AGGF1: variants seen among roughly 807,000 people sequenced by gnomAD.
AGGF1 encodes angiogenic factor with G-patch and FHA domains 1.
In AGGF1, 56 loss-of-function variants were observed where a neutral mutation model predicts 86.5. That is an observed-to-expected ratio of 0.65 (90% CI 0.52 to 0.81). AGGF1 has a LOEUF of 0.81. AGGF1 is among the 30% of genes least tolerant of loss of function. AGGF1 has a pLI of 0.00. For synonymous variants in AGGF1, 313 were observed against 297.1 expected (o/e 1.05, Z -0.55); for missense variants, 816 against 850.9 (o/e 0.96, Z 0.51).
At position 77,034,531 on chromosome 5, in the gene AGGF1, T is replaced by C. The variant is rs1428354; in HGVS notation, c.313+11T>C. On this transcript the variant is annotated intron_variant, in intron 2 of 13. Coordinates refer to ENST00000312916, the MANE Select transcript of AGGF1 (RefSeq NM_018046.5). The stretch of plus-strand genomic sequence containing the variant: ...CTTGGTCAATCTCAGGTATTTAGCT[T>C]ATAGTGAGGATATGCTAACACTGTT... 0.084 allele frequency: 130,486 copies of C among 1,547,958 alleles called. 6,066 individuals carry two copies. The highest frequency in any genetic ancestry group is 0.095 in the Non-Finnish European group (106,085 of 1,119,828).
At chr5:77,050,462 C>G (rs1747352906) in intron 8 of AGGF1, among the ~76,000 whole-genome samples, 1 of 151,960 alleles carries the variant, frequency 6.6e-6, no homozygotes, top group African/African-American at 2.4e-5. Flanking sequence ...ACTATAGGCA[C>G]ACACCACCAC....
Position 77,059,705 on chromosome 5 carries a change from A to G in AGGF1, c.1806A>G (p.Gly602=), listed in dbSNP as rs1299420275. The G allele has an allele frequency of 2.5e-6, 4 of 1,613,778 alleles. No homozygotes were observed. Among genetic ancestry groups the G allele is most frequent in the Non-Finnish European group, 2.5e-6 (3 of 1,179,804 alleles). Residue 602 remains glycine, a synonymous_variant, in exon 12 of 14, where the codon GGA becomes GGG. Coordinates refer to ENST00000312916, the MANE Select transcript of AGGF1 (RefSeq NM_018046.5). ...GKRREQVGSE[G]TFQRDDAPAS... is the part of the protein sequence containing the mutation. The stretch of plus-strand genomic sequence containing the variant: ...GTAGGGAGCAGGTTGGAAGTGAAGG[A>G]ACTTTCCAAAGAGATGATGCTCCTG...
At chr5:77,058,158 G>A (rs1248197854) in intron 11 of AGGF1, among the ~76,000 whole-genome samples, 1 of 152,158 alleles carries the variant, frequency 6.6e-6, no homozygotes, top group Non-Finnish European at 1.5e-5. Flanking sequence ...AATCCCAAAA[G>A]CATCTCATTG....
chr5:77,047,545 G>T (rs1457597291), intron 6 of AGGF1, among the ~76,000 whole-genome samples: 1 of 152,088 alleles, frequency 6.6e-6, no homozygotes, highest in Non-Finnish European at 1.5e-5. Flanking sequence ...ACAGAGCCTT[G>T]CTCTATTGCC....
chr5:77,059,089 T>G (rs76623763), intron 11 of AGGF1, among the ~76,000 whole-genome samples: 1 of 152,116 alleles, frequency 6.6e-6, no homozygotes, highest in Non-Finnish European at 1.5e-5. Context: ...CTTGGAACTT[T>G]CAGTTCCTTA....
In AGGF1 at chr5:77,030,774, C is replaced by T. The variant is rs767254285; in HGVS notation, c.8C>T (p.Ser3Leu). 6.3e-7 allele frequency: 1 copy of T among 1,575,074 alleles called. No homozygotes were observed. The change falls in exon 1 of 14, where the codon TCG becomes TTG. Residue 3 changes from serine to leucine, a missense_variant. Ser to Leu is a moderately radical substitution (Grantham distance 145). Coordinates refer to ENST00000312916, the MANE Select transcript of AGGF1 (RefSeq NM_018046.5). ...AGTCTCGCGCCGGAGCTCATGGCCT[C>T]GGAGGCGCCGTCCCCGCCGCGGTCG... is the stretch of plus-strand genomic sequence containing the variant. MA[S>L]EAPSPPRSPP...
intron 5 of AGGF1, among the ~76,000 whole-genome samples, chr5:77,045,074 A>G (rs1747219078): frequency 6.6e-6 from 1 of 152,124 alleles, no homozygotes; most frequent in Non-Finnish European, 1.5e-5. Flanking sequence ...CAAAAAAAAA[A>G]AAAAAGAAAG....
intron 4 of AGGF1, among the ~76,000 whole-genome samples, chr5:77,039,056 C>A (rs575576763): frequency 1.3e-5 from 2 of 152,172 alleles, no homozygotes; most frequent in African/African-American, 4.8e-5. Context: ...AAAGACAAAT[C>A]TTTGTTTTAT....
chr5:77,044,224 C>G (rs1338412345), intron 5 of AGGF1, among the ~76,000 whole-genome samples: 1 of 151,058 alleles, frequency 6.6e-6, no homozygotes, highest in East Asian at 1.9e-4. Context: ...GAGGCCAGGG[C>G]AGGCGGCTGG....
At chr5:77,051,833 G>A (rs570010800) in intron 8 of AGGF1, among the ~76,000 whole-genome samples, 2 of 152,310 alleles carry the variant, frequency 1.3e-5, no homozygotes, top group Non-Finnish European at 1.5e-5. Context: ...TGGATAGATT[G>A]TGGTATATCC....
chr5:77,039,690 C>T lies in AGGF1; in HGVS notation c.841C>T (p.Pro281Ser). The T allele has an allele frequency of 6.2e-7, 1 of 1,611,896 alleles. No homozygotes were observed. Among genetic ancestry groups the T allele is most frequent in the South Asian group, 1.1e-5 (1 of 90,544 alleles). Residue 281 changes from proline to serine, a missense_variant, in exon 5 of 14, where the codon CCA (proline) becomes TCA (serine). Pro to Ser is a moderately conservative substitution (Grantham distance 74, BLOSUM62 -1). Transcript: ENST00000312916. ...DKKLKKKRKD[P>S]DSSATNEEKD... Reference sequence around the variant, plus strand: ...AAAATTGAAGAAGAAAAGAAAAGATCCAGATTCTTCTGCAACAAATGAGGA... The same window carrying T: ...AAAATTGAAGAAGAAAAGAAAAGATTCAGATTCTTCTGCAACAAATGAGGA...
At chr5:77,042,433 C>CG (rs1200494416) in intron 5 of AGGF1, among the ~76,000 whole-genome samples, 74 of 110,338 alleles carry the variant, frequency 6.7e-4, no homozygotes, top group Non-Finnish European at 1.2e-3. Context: ...GCTGGCTGGG[C>CG]GGGGGGGCTG....
At chr5:77,052,654 C>T in intron 8 of AGGF1, 52 bp from the exon 9 acceptor site, 3 of 1,306,666 alleles carry the variant, frequency 2.3e-6, no homozygotes, top group Admixed American at 3.6e-5. Context: ...AGAAATTGTC[C>T]ATAGTTTTGA....
chr5:77,042,648 T>C (rs1218659564), intron 5 of AGGF1, among the ~76,000 whole-genome samples: 4 of 30,770 alleles, frequency 1.3e-4, no homozygotes, highest in African/African-American at 3.9e-4. Flanking sequence ...CCCCCCCACC[T>C]CCATCCCGGA....
chr5:77,036,659 T>C lies in AGGF1; in HGVS notation c.620T>C (p.Phe207Ser). The change falls in exon 4 of 14, where the codon TTT (phenylalanine) becomes TCT (serine). Residue 207 changes from phenylalanine (F) to serine (S), a missense_variant. Phe to Ser is a radical substitution (Grantham distance 155). Transcript: ENST00000312916. ...GAAGCGGCTGTATCACAGACTGGAT[T>C]TAGTTATGATGAAAATACTGGACTG... Reference protein sequence around the residue: ...AAEAAVSQTGFSYDENTGLYF... With the variant: ...AAEAAVSQTGSSYDENTGLYF... 6.2e-7 allele frequency: 1 copy of C among 1,613,640 alleles called. No homozygotes were observed. Among genetic ancestry groups the C allele is most frequent in the Non-Finnish European group, 8.5e-7 (1 of 1,180,014 alleles).
chr5:77,031,019 G>A (rs777642479), intron 1 of AGGF1, 43 bp downstream of exon 1: 2 of 1,604,330 alleles, frequency 1.2e-6, no homozygotes, highest in East Asian at 2.2e-5. Context: ...CAGCCCAGGC[G>A]AGGCCTTCGA....
intron 1 of AGGF1, among the ~76,000 whole-genome samples, chr5:77,033,000 C>T (rs561058905): frequency 1.3e-5 from 2 of 152,282 alleles, no homozygotes; most frequent in African/African-American, 4.8e-5. Context: ...GACTAAACTG[C>T]AGCAGAAGCG....
chr5:77,051,337 G>T (rs902312666), intron 8 of AGGF1, among the ~76,000 whole-genome samples: 1 of 151,824 alleles, frequency 6.6e-6, no homozygotes, highest in Admixed American at 6.6e-5. Context: ...GGAGGCTGAG[G>T]CAGGAGAATG....
Position 77,063,852 on chromosome 5 carries a change from C to G in AGGF1, c.*600C>G, listed in dbSNP as rs1464101590. On this transcript the variant is annotated 3_prime_UTR_variant, in exon 14 of 14. Transcript: ENST00000312916. ...TCTGTGAAGAATCTGTTGCTATGTACTGTATATTCAGCATTTATATTTGGT... is the reference window on the plus strand; with the variant it reads ...TCTGTGAAGAATCTGTTGCTATGTAGTGTATATTCAGCATTTATATTTGGT... 1 of 154,658 alleles carries G rather than the reference C, an allele frequency of 6.5e-6. No individual in the cohort carries two copies. The highest frequency in any genetic ancestry group is 6.4e-5 in the Admixed American group (1 of 15,542). The allele number at this position is 154,658 out of a possible 1,614,324, so 9.6% of individuals were successfully genotyped here. A position where few individuals can be genotyped will look rare whatever the true frequency, so the allele number is the denominator to read the frequency against.
Sources: allele counts gnomAD v4.1 joint callset (sites outside exome capture counted in the v4.1 genomes callset), GRCh38; gene constraint gnomAD v4.1.1; transcripts MANE v1.5; gene names NCBI Gene and HGNC (gene_info 2026-07-23, HGNC 2026-07-21).